The following RIMS2 variants were observed in gnomAD, a reference collection of about 807,000 sequenced individuals.
The protein encoded by RIMS2 is regulating synaptic membrane exocytosis 2.
RIMS2 carries 59 observed loss-of-function variants against 174.4 expected under a neutral mutation model. The observed-to-expected ratio is 0.34, with a 90% CI of 0.27 to 0.42. The LOEUF is 0.42. Among genes scored for constraint, RIMS2 ranks in the 10% least tolerant of loss-of-function variants. The pLI is 1.00. For synonymous variants in RIMS2, 606 were observed against 572.5 expected, an observed-to-expected ratio of 1.06 and a Z score of -0.84; for missense variants, 1,620 against 1,666.3, an observed-to-expected ratio of 0.97 and a Z score of 0.48.
intron 3 of RIMS2, among the ~76,000 whole-genome samples, chr8:103,780,478 C>G (rs1293678787): frequency 6.6e-6 from 1 of 152,098 alleles, no homozygotes; most frequent in African/African-American, 2.4e-5. Flanking sequence ...AAATGCTTGT[C>G]TTCAAGCTCT....
intron 3 of RIMS2, among the ~76,000 whole-genome samples, chr8:103,868,252 G>C (rs2099093178): frequency 6.6e-6 from 1 of 152,022 alleles, no homozygotes; most frequent in Non-Finnish European, 1.5e-5. Flanking sequence ...ACTCATTGGT[G>C]ATGATGAAAA....
chr8:104,185,639 CATT>C (rs2098964054), intron 19 of RIMS2, among the ~76,000 whole-genome samples: 1 of 151,464 alleles, frequency 6.6e-6, no homozygotes, highest in South Asian at 2.1e-4. Context: ...AGACAATGCT[CATT>C]ATCATTATCA....
At chr8:104,023,601 G>A (rs2096169392) in intron 19 of RIMS2, among the ~76,000 whole-genome samples, 1 of 152,200 alleles carries the variant, frequency 6.6e-6, no homozygotes. Flanking sequence ...ATAATAGGTT[G>A]AGTGGGAATA....
At chr8:103,788,847 A>T (rs1435853796) in intron 3 of RIMS2, among the ~76,000 whole-genome samples, 3 of 152,220 alleles carry the variant, frequency 2.0e-5, no homozygotes, top group African/African-American at 7.2e-5. Flanking sequence ...AGCCTGGGCA[A>T]TGGCGGGCGC....
chr8:103,710,285 A>C (rs1181827733), intron 2 of RIMS2, among the ~76,000 whole-genome samples: 1 of 152,202 alleles, frequency 6.6e-6, no homozygotes, highest in African/African-American at 2.4e-5. Flanking sequence ...AAGGGAATAT[A>C]ATAAAATAAT....
At chr8:103,783,792 A>G (rs1273458975) in intron 3 of RIMS2, among the ~76,000 whole-genome samples, 1 of 150,344 alleles carries the variant, frequency 6.7e-6, no homozygotes, top group Non-Finnish European at 1.5e-5. Context: ...CAGTAATGGG[A>G]TGGCTGGGTC....
chr8:104,013,258 G>T (rs888229139), intron 17 of RIMS2, among the ~76,000 whole-genome samples, 184 bp from the exon 20 acceptor site: 2 of 152,116 alleles, frequency 1.3e-5, no homozygotes, highest in Non-Finnish European at 2.9e-5. Context: ...GCAGATTTTG[G>T]TTTTTTAGAA....
chr8:103,636,112 G>A (rs1348854287), intron 1 of RIMS2, among the ~76,000 whole-genome samples: 1 of 152,190 alleles, frequency 6.6e-6, no homozygotes, highest in Non-Finnish European at 1.5e-5. Flanking sequence ...CAGCAAAGAT[G>A]GTGGTATGCC....
intron 19 of RIMS2, among the ~76,000 whole-genome samples, chr8:104,082,174 G>A (rs1349176146): frequency 6.6e-6 from 1 of 151,644 alleles, no homozygotes; most frequent in East Asian, 1.9e-4. Flanking sequence ...AGTAAAGAAG[G>A]AATAAAGGAC....
At chr8:103,724,962 G>A (rs1361707548) in intron 2 of RIMS2, among the ~76,000 whole-genome samples, 2 of 152,042 alleles carry the variant, frequency 1.3e-5, no homozygotes, top group East Asian at 1.9e-4. Flanking sequence ...GGACCACCCC[G>A]GCTATAGACA....
At chr8:104,084,850 A>C (rs1214975289) in intron 19 of RIMS2, among the ~76,000 whole-genome samples, 1 of 152,232 alleles carries the variant, frequency 6.6e-6, no homozygotes. Context: ...ATCTAGAAGC[A>C]GACTTAAAGA....
chr8:103,854,783 T>G (rs901213942), intron 3 of RIMS2, among the ~76,000 whole-genome samples: 2 of 152,138 alleles, frequency 1.3e-5, no homozygotes, highest in Non-Finnish European at 2.9e-5. Flanking sequence ...TTGTTGAGGA[T>G]TCTTGCATCT....
rs187569874 is a variant in RIMS2 at position 104,105,897 on chromosome 8, G to T, written c.3334+91282G>T. 1.3e-3 allele frequency among the ~76,000 whole-genome samples: 190 copies of T among 151,836 alleles called. 1 individual carries two copies. The highest frequency in any genetic ancestry group is 4.3e-3 in the African/African-American group (177 of 41,412). On this transcript the variant is annotated intron_variant, in intron 19 of 23. Transcript: ENST00000504942. ...ACTAAAAATACAAAAAAATTTAGCTGGGCATGGTGGCACGCACCAGTAGTC... is the reference window on the plus strand; with the variant it reads ...ACTAAAAATACAAAAAAATTTAGCTTGGCATGGTGGCACGCACCAGTAGTC...
At chr8:103,955,236 CT>C (rs2154544218) in intron 14 of RIMS2, among the ~76,000 whole-genome samples, 1 of 152,266 alleles carries the variant, frequency 6.6e-6, no homozygotes, top group South Asian at 2.1e-4. Context: ...GGGAATCCTC[CT>C]TAACTCATTT....
At chr8:104,145,018 T>G (rs137864794) in intron 19 of RIMS2, among the ~76,000 whole-genome samples, 345 of 152,316 alleles carry the variant, frequency 2.3e-3, no homozygotes, top group African/African-American at 7.8e-3. Flanking sequence ...CATAAACATT[T>G]ATGTATAACA....
intron 3 of RIMS2, among the ~76,000 whole-genome samples, chr8:103,876,864 TTATATATATATATATATATATATATA>T (rs199997824): frequency 0.028 from 1,938 of 68,142 alleles, 142 homozygotes; most frequent in African/African-American, 0.077. Context: ...ACACACTATT[TTATATATATATATATATATATATATA>T]TATATATATA....
In RIMS2 at chr8:103,730,677, G is replaced by T. The variant is rs377745620; in HGVS notation, c.387+33381G>T. ...TTTCTATGTAGTTACCATTAGCAAT[G>T]AGTTTTGTACCTTCAGATAATTTCT... On this transcript the variant is annotated intron_variant, in intron 2 of 23. Transcript: ENST00000504942. Among the ~76,000 whole-genome samples the T allele has an allele frequency of 3.0e-4, 45 of 152,286 alleles. No homozygotes were observed. The South Asian group carries it at 8.5e-3, about 29-fold the overall frequency.
chr8:103,780,076 CCTTGAAATTATCAGATGAATTTCT>C (rs1351757095), intron 3 of RIMS2, among the ~76,000 whole-genome samples: 1 of 151,950 alleles, frequency 6.6e-6, no homozygotes, highest in Non-Finnish European at 1.5e-5. Flanking sequence ...CTCTAACATC[CCTTGAAATTATCAGATGAATTTCT>C]CTTGAAATTA....
At chr8:104,146,582 CA>C (rs1331000635) in intron 19 of RIMS2, among the ~76,000 whole-genome samples, 1 of 152,206 alleles carries the variant, frequency 6.6e-6, no homozygotes, top group East Asian at 1.9e-4. Context: ...CCTTGATATT[CA>C]AACATAAAAA....
Sources: allele counts gnomAD v4.1 joint callset (sites outside exome capture counted in the v4.1 genomes callset), GRCh38; gene constraint gnomAD v4.1.1; transcripts MANE v1.5; gene names NCBI Gene and HGNC (gene_info 2026-07-23, HGNC 2026-07-21).